The following HSDL2 variants were observed in gnomAD, a reference collection of about 807,000 sequenced individuals.
HSDL2 encodes hydroxysteroid dehydrogenase like 2, also known as hydroxysteroid dehydrogenase-like protein 2.
In HSDL2, 27 loss-of-function variants were observed where a neutral mutation model predicts 46.3. The ratio of observed to expected loss-of-function variants is 0.58; its 90% CI spans 0.43 to 0.80. The LOEUF (loss-of-function observed/expected upper bound fraction) is 0.80, where lower values mean the gene tolerates loss of function less well. Ranked by LOEUF, HSDL2 falls within the 30% of genes least tolerant of loss-of-function variation. The probability of loss-of-function intolerance (pLI) is 0.00; values close to 1 mark genes in which losing one functional copy is unlikely to be tolerated. For missense variants in HSDL2, 451 were observed against 502.7 expected (o/e 0.90, Z 0.98); for synonymous variants, 153 against 163.6 (o/e 0.94, Z 0.50).
chr9:112,380,121 C>CCGCCGCCGCTGT lies in HSDL2; in HGVS notation c.-35_-24dup. On this transcript the variant is annotated 5_prime_UTR_variant, in exon 1 of 11. Coordinates refer to ENST00000398805, the MANE Select transcript of HSDL2 (RefSeq NM_032303.5). ...CGGTCCAGCTTTAGCTCTCTGCTCGCCGCCGCCGCTGTCGCCGCCACCTCC... is the reference window on the plus strand; with the variant it reads ...CGGTCCAGCTTTAGCTCTCTGCTCGCCGCCGCCGCTGTCGCCGCCGCTGTCGCCGCCACCTCC... 1 of 1,523,162 alleles carries CCGCCGCCGCTGT rather than the reference C, an allele frequency of 6.6e-7. No homozygotes were observed. Among genetic ancestry groups the CCGCCGCCGCTGT allele is most frequent in the South Asian group, 1.2e-5 (1 of 84,050 alleles). The allele number at this position is 1,523,162 out of a possible 1,614,324, so 94.4% of individuals were successfully genotyped here.
At chr9:112,457,651 T>C (rs1833071287) in intron 9 of HSDL2, among the ~76,000 whole-genome samples, 1 of 152,026 alleles carries the variant, frequency 6.6e-6, no homozygotes, top group Admixed American at 6.6e-5. Flanking sequence ...TCTTAAAAAA[T>C]TAAAAATCAA....
In HSDL2 at chr9:112,470,359, T is replaced by C. The variant is rs1379178416; in HGVS notation, c.1145-73T>C. 5 of 834,532 alleles carry C rather than the reference T, an allele frequency of 6.0e-6. No individual in the cohort carries two copies. The African/African-American group carries it at 6.9e-5, about 12-fold the overall frequency. The allele number at this position is 834,532 out of a possible 1,614,324, so 51.7% of individuals were successfully genotyped here. On this transcript the variant is annotated intron_variant, in intron 10 of 10. Transcript: ENST00000398805. ...GAACTCAAGGAGATTCTTTTTACAATGCGTGTTCTTAAAGCAATATATCCC... is the reference window on the plus strand; with the variant it reads ...GAACTCAAGGAGATTCTTTTTACAACGCGTGTTCTTAAAGCAATATATCCC...
At chr9:112,463,243 G>C (rs1833266926) in intron 10 of HSDL2, among the ~76,000 whole-genome samples, 1 of 145,434 alleles carries the variant, frequency 6.9e-6, no homozygotes, top group African/African-American at 2.6e-5. Flanking sequence ...AGGTCATATG[G>C]TAAGTTGATA....
At chr9:112,385,036 C>T (rs531663188) in intron 1 of HSDL2, among the ~76,000 whole-genome samples, 10 of 152,078 alleles carry the variant, frequency 6.6e-5, no homozygotes, top group Non-Finnish European at 1.2e-4. Flanking sequence ...TTTCTGCAGG[C>T]TAGGTCACCA....
chr9:112,395,609 A>G (rs1831437333), intron 1 of HSDL2, among the ~76,000 whole-genome samples: 1 of 152,232 alleles, frequency 6.6e-6, no homozygotes, highest in Non-Finnish European at 1.5e-5. Flanking sequence ...TGACAATCTG[A>G]TTTATGTAAA....
intron 8 of HSDL2, among the ~76,000 whole-genome samples, chr9:112,443,461 CTT>C (rs1023993234): frequency 2.6e-5 from 4 of 152,224 alleles, no homozygotes; most frequent in African/African-American, 9.6e-5. Flanking sequence ...AAGCCCATGT[CTT>C]TAACCAGTAA....
intron 1 of HSDL2, among the ~76,000 whole-genome samples, chr9:112,382,300 A>G (rs1831117236): frequency 6.6e-6 from 1 of 152,200 alleles, no homozygotes. Flanking sequence ...TTATATTTTG[A>G]CAGATATTTC....
At chr9:112,405,450 T>G (rs946979073) in intron 2 of HSDL2, among the ~76,000 whole-genome samples, 174 bp from the exon 3 acceptor site, 2 of 152,152 alleles carry the variant, frequency 1.3e-5, no homozygotes, top group African/African-American at 4.8e-5. Flanking sequence ...TTTTTAATAG[T>G]GTTAGCCTAG....
At chr9:112,441,301 C>T (rs1832632660) in intron 7 of HSDL2, among the ~76,000 whole-genome samples, 3 of 152,014 alleles carry the variant, frequency 2.0e-5, no homozygotes, top group Admixed American at 1.3e-4. Flanking sequence ...GACCCAAGTG[C>T]ACTAATGCTG....
At chr9:112,404,644 T>C (rs1348019206) in intron 2 of HSDL2, among the ~76,000 whole-genome samples, 1 of 152,152 alleles carries the variant, frequency 6.6e-6, no homozygotes, top group Non-Finnish European at 1.5e-5. Context: ...CATGAACTCT[T>C]TGAGAAAGCG....
At chr9:112,458,049 G>A (rs1470044610) in intron 9 of HSDL2, among the ~76,000 whole-genome samples, 2 of 152,016 alleles carry the variant, frequency 1.3e-5, no homozygotes, top group South Asian at 4.1e-4. Context: ...GCTGTGCTCA[G>A]ACCTAGACTG....
intron 4 of HSDL2, among the ~76,000 whole-genome samples, chr9:112,409,486 C>T (rs901629780): frequency 2.0e-5 from 3 of 152,118 alleles, no homozygotes; most frequent in African/African-American, 7.2e-5. Context: ...CCACCATGCC[C>T]AGCCCGATAG....
chr9:112,438,835 G>GAT lies in HSDL2; in HGVS notation c.793+230_793+231dup, dbSNP rs10553470. The GAT allele has an allele frequency of 9.7e-3, 2,338 of 240,928 alleles. 71 individuals carry two copies. Among genetic ancestry groups the GAT allele is most frequent in the East Asian group, 0.063 (745 of 11,900 alleles). 14.9% of individuals were successfully genotyped at this position (240,928 alleles called of 1,614,324 possible). Reference sequence around the variant, plus strand: ...GAGGTGAGTTGAGGGCTTTTGAAGTGATATATATATATATATATATAAGCA... The same window carrying GAT: ...GAGGTGAGTTGAGGGCTTTTGAAGTGATATATATATATATATATATATAAGCA... On this transcript the variant is annotated intron_variant, in intron 7 of 10. Transcript: ENST00000398805.
At chr9:112,465,051 C>T (rs1345977318) in intron 10 of HSDL2, among the ~76,000 whole-genome samples, 2 of 152,322 alleles carry the variant, frequency 1.3e-5, no homozygotes, top group Admixed American at 6.5e-5. Context: ...TTTCAAGTTT[C>T]ATCCTTGTAG....
rs199979910 is a variant in HSDL2, at chr9:112,454,161, C to T, written c.1014C>T (p.Ser338=). The part of the protein sequence containing the change: ...ATQAIYLFEL[S]GEDGGTWFLD... The stretch of plus-strand genomic sequence containing the variant: ...AAGCAATCTATCTGTTTGAACTCTC[C>T]GGTAAGGACTGCATCTGGTAATCTG... Residue 338 remains serine, a splice_region_variant and synonymous_variant, in exon 9 of 11, where the codon TCC becomes TCT. Transcript: ENST00000398805. The T allele has an allele frequency of 2.0e-4, 329 of 1,607,382 alleles. 2 individuals are homozygous for T. Among genetic ancestry groups the T allele is most frequent in the East Asian group, 1.7e-3 (78 of 44,786 alleles).
chr9:112,433,915 G>T (rs1009425892), intron 6 of HSDL2: 1 of 152,374 alleles, frequency 6.6e-6, no homozygotes, highest in African/African-American at 2.4e-5. Context: ...TGGCTTCTCA[G>T]CTGCATGTTC....
rs370243043 is a variant in HSDL2 at position 112,423,372 on chromosome 9, G to A, written c.598+4414G>A. Among the ~76,000 whole-genome samples the A allele has an allele frequency of 2.4e-4, 36 of 152,248 alleles. No individual in the cohort carries two copies. In the East Asian group the frequency reaches 4.8e-3, roughly 20 times the overall value. Reference sequence around the variant, plus strand: ...TTTCTTTTTTTTGAGACGGAGTTTCGTTCTTGTCGCCCAGGCTGGAGAGCA... The same window carrying A: ...TTTCTTTTTTTTGAGACGGAGTTTCATTCTTGTCGCCCAGGCTGGAGAGCA... On this transcript the variant is annotated intron_variant, in intron 6 of 10. Transcript: ENST00000398805.
At position 112,470,487 on chromosome 9, in the gene HSDL2, C is replaced by CA. The variant is rs767031904; in HGVS notation, c.1201dup (p.Met401AsnfsTer34). ...CAGGGAAATTGAAGATTAAAGGTAACATGGCCCTAGCAATCAAATTGGAGA... is the reference window on the plus strand; with the variant it reads ...CAGGGAAATTGAAGATTAAAGGTAACAATGGCCCTAGCAATCAAATTGGAGA... On this transcript the variant is annotated frameshift_variant, in exon 11 of 11. Transcript: ENST00000398805. LOFTEE classifies it high-confidence loss of function. 6.2e-7 allele frequency: 1 copy of CA among 1,611,440 alleles called. No individual in the cohort carries two copies. Among genetic ancestry groups the CA allele is most frequent in the East Asian group, 2.2e-5 (1 of 44,670 alleles).
chr9:112,436,947 CT>C (rs991603157), intron 6 of HSDL2, among the ~76,000 whole-genome samples: 3 of 135,242 alleles, frequency 2.2e-5, no homozygotes, highest in African/African-American at 8.3e-5. Flanking sequence ...ACTTCTCTTT[CT>C]TTTCTTTTTT....
Sources: gnomAD v4.1 joint callset for allele counts (sites outside exome capture counted in the v4.1 genomes callset) on GRCh38, gnomAD v4.1.1 for gene constraint, MANE v1.5 for transcripts, NCBI Gene and HGNC (gene_info 2026-07-23, HGNC 2026-07-21) for gene names.